The following TICRR variants were observed in gnomAD, a reference collection of about 807,000 sequenced individuals.
TICRR encodes the protein TOPBP1 interacting checkpoint and replication regulator.
A neutral mutation model predicts 178.1 loss-of-function variants in TICRR; 132 were observed. The observed-to-expected ratio is 0.74, with a 90% confidence interval of 0.64 to 0.86. The LOEUF is 0.86. TICRR is among the 40% of genes least tolerant of loss of function. The pLI, the probability that TICRR is intolerant of heterozygous loss-of-function variation, is 0.00. For synonymous variants in TICRR, 991 were observed against 900.7 expected (o/e 1.10, Z -1.79); for missense variants, 2,587 against 2,334.3 (o/e 1.11, Z -2.23).
At chr15:89,588,040 T>C (rs1962850640) in intron 4 of TICRR, among the ~76,000 whole-genome samples, 1 of 152,126 alleles carries the variant, frequency 6.6e-6, no homozygotes, top group Non-Finnish European at 1.5e-5. Flanking sequence ...GCACAGTTCA[T>C]CTGTGACAAC....
At position 89,627,179 on chromosome 15, in the gene TICRR, C is replaced by G; in HGVS notation, c.*93C>G. 2.0e-6 allele frequency: 3 copies of G among 1,507,322 alleles called. No homozygotes were observed. The South Asian group carries it at 3.5e-5, about 18-fold the overall frequency. 93.4% of individuals were successfully genotyped at this position (1,507,322 alleles called of 1,614,324 possible). A position where few individuals can be genotyped will look rare whatever the true frequency, so the allele number is the denominator to read the frequency against. Reference sequence around the variant, plus strand: ...ATGCCTGGTCCCAAGCCTCTTTTGCCATGGTCAGTGTTCAGATTGCCATTA... The same window carrying G: ...ATGCCTGGTCCCAAGCCTCTTTTGCGATGGTCAGTGTTCAGATTGCCATTA... On this transcript the variant is annotated 3_prime_UTR_variant, in exon 22 of 22. Transcript: ENST00000268138.
intron 7 of TICRR, among the ~76,000 whole-genome samples, chr15:89,598,545 G>T (rs1329727161): frequency 5.3e-5 from 8 of 151,842 alleles, no homozygotes; most frequent in African/African-American, 1.9e-4. Context: ...GGTATTTTTA[G>T]TAGAGAAGAG....
rs1485850023 is a variant in TICRR, at chr15:89,576,815, GTGTGTGTATATATATATATA to G, written c.654+577_654+596del. 6.5e-3 allele frequency among the ~76,000 whole-genome samples: 690 copies of G among 106,796 alleles called. 20 individuals are homozygous for G. Among genetic ancestry groups the G allele is most frequent in the East Asian group, 9.1e-3 (27 of 2,982 alleles). 70.1% of individuals were successfully genotyped at this position (106,796 alleles called of 152,430 possible). ...AATACCCAGGGGTGTGTGTGTATGTGTGTGTGTATATATATATATATATATATATATATATATATATATAT... is the reference window on the plus strand; with the variant it reads ...AATACCCAGGGGTGTGTGTGTATGTGTATATATATATATATATATATATAT... On this transcript the variant is annotated intron_variant, in intron 1 of 21. Transcript: ENST00000268138.
In TICRR at chr15:89,625,426, G is replaced by A. The variant is rs561088196; in HGVS notation, c.5116G>A (p.Gly1706Ser). The change falls in exon 20 of 22, where the codon GGT becomes AGT. Residue 1706 changes from glycine (G) to serine (S), a missense_variant. Transcript: ENST00000268138. ...CTCCTCTTCCGGGAGGGGCGAGGTC[G>A]GTGCAGACCTTCCTGGGAGCCTGTC... ...AGSSSGRGEV[G>S]ADLPGSLSLL... 1.8e-5 allele frequency: 29 copies of A among 1,613,974 alleles called. 1 individual carries two copies. In the South Asian group the frequency reaches 2.0e-4, roughly 11 times the overall value.
In TICRR at chr15:89,595,270, A is replaced by T. The variant is rs1962977979; in HGVS notation, c.1682-123A>T. ...AGAGATGCAAGAACTTCCTAATTCA[A>T]ATCATTCTGGAGGGATATGCTTCAT... On this transcript the variant is annotated intron_variant, in intron 6 of 21. Transcript: ENST00000268138. The T allele has an allele frequency of 7.0e-6, 5 of 710,484 alleles. No individual in the cohort carries two copies. The East Asian group carries it at 1.1e-4, about 15-fold the overall frequency. The allele number at this position is 710,484 out of a possible 1,614,324, so 44.0% of individuals were successfully genotyped here. A position where few individuals can be genotyped will look rare whatever the true frequency, so the allele number is the denominator to read the frequency against.
chr15:89,585,455 T>G (rs1962804241), intron 3 of TICRR, among the ~76,000 whole-genome samples: 1 of 152,200 alleles, frequency 6.6e-6, no homozygotes, highest in African/African-American at 2.4e-5. Flanking sequence ...ATTGTGAGGA[T>G]TCAGTAAGCA....
At position 89,575,557 on chromosome 15, in the gene TICRR, C is replaced by T; in HGVS notation, c.-30C>T. Reference sequence around the variant, plus strand: ...TAAGGGACGGTGGCGCGGGCCCGGACCGGGGCCCCGGGGCGGCGGCACGGC... The same window carrying T: ...TAAGGGACGGTGGCGCGGGCCCGGATCGGGGCCCCGGGGCGGCGGCACGGC... On this transcript the variant is annotated 5_prime_UTR_variant, in exon 1 of 22. Coordinates refer to ENST00000268138, the MANE Select transcript of TICRR (RefSeq NM_152259.4). 1 of 1,448,936 alleles carries T rather than the reference C, an allele frequency of 6.9e-7. No individual in the cohort carries two copies. Among genetic ancestry groups the T allele is most frequent in the African/African-American group, 1.5e-5 (1 of 68,882 alleles). 89.8% of individuals were successfully genotyped at this position (1,448,936 alleles called of 1,614,324 possible).
At chr15:89,620,413 G>A (rs1003051735) in intron 18 of TICRR, among the ~76,000 whole-genome samples, 2 of 151,826 alleles carry the variant, frequency 1.3e-5, no homozygotes, top group Non-Finnish European at 2.9e-5. Context: ...TCACCATGTT[G>A]CCCAGGCTGG....
rs370194943 is a variant in TICRR, at chr15:89,613,455, C to A, written c.2870-2950C>A. Among the ~76,000 whole-genome samples, 3 of 152,152 alleles carry A rather than the reference C, an allele frequency of 2.0e-5. No homozygotes were observed. In the East Asian group the frequency reaches 5.8e-4, roughly 29 times the overall value. ...AGTTTCTTAGATGTGTAGTGTCTTT[C>A]ATCAAATATGGGTCATTTTTAGCCA... On this transcript the variant is annotated intron_variant, in intron 15 of 21. Coordinates refer to ENST00000268138, the MANE Select transcript of TICRR (RefSeq NM_152259.4).
chr15:89,625,905 A>T, intron 20 of TICRR, 31 bp from the exon 21 acceptor site: 1 of 1,545,956 alleles, frequency 6.5e-7, no homozygotes, highest in Middle Eastern at 1.9e-4. Context: ...GGGTCTGGGG[A>T]CGCTGCTCTT....
In TICRR at chr15:89,612,044, C is replaced by T. The variant is rs1167142126; in HGVS notation, c.2869+3095C>T. 3.3e-5 allele frequency among the ~76,000 whole-genome samples: 5 copies of T among 152,062 alleles called. No individual in the cohort carries two copies. The East Asian group carries it at 7.7e-4, about 23-fold the overall frequency. On this transcript the variant is annotated intron_variant, in intron 15 of 21. Coordinates refer to ENST00000268138, the MANE Select transcript of TICRR (RefSeq NM_152259.4). ...TACTTTCTTGTTTCTTTGTATACTT[C>T]GTAGTTTTTTGTTGAGGACTAGTTA...
At position 89,616,385 on chromosome 15, in the gene TICRR, A is replaced by C; in HGVS notation, c.2870-20A>C. The C allele has an allele frequency of 6.2e-7, 1 of 1,606,832 alleles. No individual in the cohort carries two copies. The highest frequency in any genetic ancestry group is 8.5e-7 in the Non-Finnish European group (1 of 1,173,568). On this transcript the variant is annotated intron_variant, in intron 15 of 21. Coordinates refer to ENST00000268138, the MANE Select transcript of TICRR (RefSeq NM_152259.4). ...TGAGGTTAAATGAAATTTATGATTT[A>C]AGCTGTGTTTACATTTTAGGTTATC...
intron 1 of TICRR, among the ~76,000 whole-genome samples, chr15:89,576,608 TCTTAA>T (rs1399325028): frequency 6.6e-6 from 1 of 152,040 alleles, no homozygotes; most frequent in Non-Finnish European, 1.5e-5. Flanking sequence ...TCCAGGCCAG[TCTTAA>T]CTTCACTTAC....
intron 15 of TICRR, among the ~76,000 whole-genome samples, chr15:89,610,653 T>G (rs753047460): frequency 1.3e-5 from 2 of 152,232 alleles, no homozygotes; most frequent in Non-Finnish European, 2.9e-5. Context: ...CCATTCTTCT[T>G]ATCTCTGCTT....
chr15:89,583,030 A>C, intron 2 of TICRR, 65 bp downstream of exon 2: 1 of 1,478,526 alleles, frequency 6.8e-7, no homozygotes, highest in African/African-American at 1.4e-5. Flanking sequence ...TTCTTCAAAG[A>C]AGCTTTTAAC....
At position 89,625,942 on chromosome 15, in the gene TICRR, C is replaced by T. The variant is rs184236245; in HGVS notation, c.5483C>T (p.Thr1828Ile). ...GDEEVFVSGSTPPPSCAVRSC... is the reference protein window; with the variant it reads ...GDEEVFVSGSIPPPSCAVRSC... The stretch of plus-strand genomic sequence containing the variant: ...CTATGTGGGATCTCTTTAGGCTCCA[C>T]CCCACCTCCCAGCTGTGCCGTGCGG... Residue 1828 changes from threonine to isoleucine, a missense_variant, in exon 21 of 22, where the codon ACC becomes ATC. Physicochemically the swap from Thr to Ile is moderately conservative, Grantham distance 89. Transcript: ENST00000268138. 2.5e-6 allele frequency: 4 copies of T among 1,574,000 alleles called. No individual in the cohort carries two copies. The highest frequency in any genetic ancestry group is 3.4e-6 in the Non-Finnish European group (4 of 1,164,210).
intron 15 of TICRR, among the ~76,000 whole-genome samples, chr15:89,609,467 T>A (rs996519474): frequency 6.6e-6 from 1 of 151,896 alleles, no homozygotes; most frequent in African/African-American, 2.4e-5. Context: ...TTTTCTCTAT[T>A]GGTTTTCTTT....
intron 12 of TICRR, among the ~76,000 whole-genome samples, chr15:89,602,361 C>G (rs1255640614): frequency 2.6e-5 from 4 of 152,166 alleles, no homozygotes; most frequent in Non-Finnish European, 4.4e-5. Flanking sequence ...ATTTCCCCTA[C>G]TTGATCTGTA....
rs929472603 is a variant in TICRR at position 89,601,740 on chromosome 15, T to C, written c.2331T>C (p.Tyr777=). ...ATTCGATCAATCTGTTCCACAGGTA[T>C]ATTGACTCTATCCCAAAGACACTTG... The part of the protein sequence containing the change: ...AEFLEEILRL[Y]IDSIPKTLGN... The change falls in exon 12 of 22, where the codon TAT becomes TAC. Residue 777 remains tyrosine, a synonymous_variant. Coordinates refer to ENST00000268138, the MANE Select transcript of TICRR (RefSeq NM_152259.4). 6.2e-7 allele frequency: 1 copy of C among 1,614,158 alleles called. No individual in the cohort carries two copies. Among genetic ancestry groups the C allele is most frequent in the Non-Finnish European group, 8.5e-7 (1 of 1,180,006 alleles).
Sources: allele counts gnomAD v4.1 joint callset (sites outside exome capture counted in the v4.1 genomes callset), GRCh38; gene constraint gnomAD v4.1.1; transcripts MANE v1.5; gene names NCBI Gene and HGNC (gene_info 2026-07-23, HGNC 2026-07-21).